The following WNT4 variants were observed in gnomAD, a reference collection of about 807,000 sequenced individuals.
The protein encoded by WNT4 is protein Wnt-4.
A neutral mutation model predicts 34.5 loss-of-function variants in WNT4; 16 were observed. The ratio of observed to expected loss-of-function variants is 0.46; its 90% CI spans 0.31 to 0.70. The LOEUF (loss-of-function observed/expected upper bound fraction) is 0.70, where lower values mean the gene tolerates loss of function less well. WNT4 is among the 30% of genes least tolerant of loss of function. The probability of loss-of-function intolerance (pLI) is 0.04; values close to 1 mark genes in which losing one functional copy is unlikely to be tolerated. For synonymous variants in WNT4, 200 were observed against 211.9 expected, an observed-to-expected ratio of 0.94 and a Z score of 0.49; for missense variants, 379 against 495.9, an observed-to-expected ratio of 0.76 and a Z score of 2.24.
chr1:22,135,079 A>G (rs1268727262), intron 1 of WNT4, among the ~76,000 whole-genome samples: 1 of 151,888 alleles, frequency 6.6e-6, no homozygotes, highest in African/African-American at 2.4e-5. Flanking sequence ...AGTGTGAGAG[A>G]TGGGTGGAGG....
rs1645873903 is a variant in WNT4, at chr1:22,119,207, TGTGTGTGTGTGTGTGTGTGTG to T, written c.*822_*842del. 3 of 128,246 alleles carry T rather than the reference TGTGTGTGTGTGTGTGTGTGTG, an allele frequency of 2.3e-5. No individual in the cohort carries two copies. Among genetic ancestry groups the T allele is most frequent in the Non-Finnish European group, 3.2e-5 (2 of 61,840 alleles). 7.9% of individuals were successfully genotyped at this position (128,246 alleles called of 1,614,324 possible). ...GTGTCCGTGTGTGTGTGTGTGTGTG[TGTGTGTGTGTGTGTGTGTGTG>T]TTTCAGTTTCATGGAGGAACAGCGC... On this transcript the variant is annotated 3_prime_UTR_variant, in exon 5 of 5. Coordinates refer to ENST00000290167, the MANE Select transcript of WNT4 (RefSeq NM_030761.5).
At chr1:22,138,702 T>C (rs1198605305) in intron 1 of WNT4, among the ~76,000 whole-genome samples, 1 of 152,154 alleles carries the variant, frequency 6.6e-6, no homozygotes, top group Non-Finnish European at 1.5e-5. Context: ...GAGAGGGATC[T>C]TTTAAAGCTG....
chr1:22,125,672 C>T (rs1050463829), intron 2 of WNT4, among the ~76,000 whole-genome samples: 19 of 152,184 alleles, frequency 1.2e-4, no homozygotes, highest in Admixed American at 3.9e-4. Context: ...AGTCCTTCAT[C>T]TCAGGACAGG....
chr1:22,142,859 C>T lies in WNT4; in HGVS notation c.64G>A (p.Ala22Thr). Residue 22 changes from alanine to threonine, a missense_variant, in exon 1 of 5, where the codon GCG becomes ACG. By Grantham distance (58) the Ala-to-Thr change is moderately conservative (BLOSUM62 0). Around this residue, in one of 2 missense-constraint regions of WNT4, gnomAD observed 66 missense variants for 50.1 expected, o/e 1.32. Transcript: ENST00000290167. The surrounding 1 kb of genome is among the most constrained non-coding windows in gnomAD (Gnocchi z 6.0). ...LLVFAVFSAA[A>T]SNWLYLAKLS... Reference sequence around the variant, plus strand: ...GGCCAGACTTACAGCCAGTTGCTCGCGGCGGCTGAGAAGACGGCGAAGACG... The same window carrying T: ...GGCCAGACTTACAGCCAGTTGCTCGTGGCGGCTGAGAAGACGGCGAAGACG... 1 of 1,212,252 alleles carries T rather than the reference C, an allele frequency of 8.2e-7. No individual in the cohort carries two copies. Among genetic ancestry groups the T allele is most frequent in the Non-Finnish European group, 1.1e-6 (1 of 947,314 alleles). 75.1% of individuals were successfully genotyped at this position (1,212,252 alleles called of 1,614,324 possible). A position where few individuals can be genotyped will look rare whatever the true frequency, so the allele number is the denominator to read the frequency against.
In WNT4 at chr1:22,137,427, C is replaced by T. The variant is rs889012463; in HGVS notation, c.77+5419G>A. On this transcript the variant is annotated intron_variant, in intron 1 of 4. Transcript: ENST00000290167. This position sits in a 1 kb window ranked among gnomAD's most constrained non-coding sequence, Gnocchi z 5.3. The stretch of plus-strand genomic sequence containing the variant: ...TGCAGTGAAGGGGTGACTGGAGGGC[C>T]CACGGCAGGCAGCTGTCACCCCACC... 2.6e-5 allele frequency among the ~76,000 whole-genome samples: 4 copies of T among 152,148 alleles called. No homozygotes were observed. Among genetic ancestry groups the T allele is most frequent in the Admixed American group, 2.6e-4 (4 of 15,282 alleles).
chr1:22,127,712 A>G (rs961140918), intron 2 of WNT4, among the ~76,000 whole-genome samples: 2 of 152,216 alleles, frequency 1.3e-5, no homozygotes, highest in East Asian at 1.9e-4. Flanking sequence ...TGAAAAGGAT[A>G]TAGGAATTAC....
Position 22,121,598 on chromosome 1 carries a change from C to T in WNT4, c.314-22G>A, listed in dbSNP as rs1450841791. On this transcript the variant is annotated intron_variant, in intron 2 of 4. Coordinates refer to ENST00000290167, the MANE Select transcript of WNT4 (RefSeq NM_030761.5). Reference sequence around the variant, plus strand: ...GTCCCTGTGGGAGGCAGAGGGAGGGCAGAGCTGGGTCCCAGGGCTCCTCCC... The same window carrying T: ...GTCCCTGTGGGAGGCAGAGGGAGGGTAGAGCTGGGTCCCAGGGCTCCTCCC... 5 of 1,610,296 alleles carry T rather than the reference C, an allele frequency of 3.1e-6. No individual in the cohort carries two copies. In the African/African-American group the frequency reaches 5.3e-5, roughly 17 times the overall value.
chr1:22,122,711 C>T (rs758050757), intron 2 of WNT4, among the ~76,000 whole-genome samples: 11 of 152,226 alleles, frequency 7.2e-5, no homozygotes, highest in African/African-American at 9.6e-5. Flanking sequence ...TGGCAATTAC[C>T]TCTGTGACAT....
intron 4 of WNT4, 43 bp from the exon 5 acceptor site, chr1:22,120,560 A>G (rs747362717): frequency 3.8e-6 from 6 of 1,562,938 alleles, no homozygotes; most frequent in African/African-American, 2.7e-5. Flanking sequence ...GGAGATGGCA[A>G]GGGAAGGCAG....
rs905280108 is a variant in WNT4, at chr1:22,139,236, C to T, written c.77+3610G>A. ...GGGACGCAGCCCTGCAGCTCCCTGA[C>T]AGCAGCCCTTGCTTCCGGCAGCTGC... On this transcript the variant is annotated intron_variant, in intron 1 of 4. Coordinates refer to ENST00000290167, the MANE Select transcript of WNT4 (RefSeq NM_030761.5). The surrounding 1 kb of genome is among the most constrained non-coding windows in gnomAD (Gnocchi z 4.6). Among the ~76,000 whole-genome samples the T allele has an allele frequency of 4.6e-5, 7 of 152,230 alleles. 1 individual carries two copies. Among genetic ancestry groups the T allele is most frequent in the Admixed American group, 6.5e-5 (1 of 15,286 alleles).
intron 2 of WNT4, among the ~76,000 whole-genome samples, chr1:22,128,966 C>T (rs1454050271): frequency 2.0e-5 from 3 of 152,146 alleles, no homozygotes; most frequent in East Asian, 1.9e-4. Flanking sequence ...ATGATCCGCC[C>T]GCCTGGGCCT....
chr1:22,133,466 C>T (rs1645998599), intron 1 of WNT4, among the ~76,000 whole-genome samples: 1 of 152,204 alleles, frequency 6.6e-6, no homozygotes, highest in Non-Finnish European at 1.5e-5. Flanking sequence ...CATCCGCTGA[C>T]CCTGGAGCTG....
rs1385588261 is a variant in WNT4, at chr1:22,121,535, C to A, written c.355G>T (p.Gly119Cys). ...GCCCGCGTCACTGCAAAGGCCACACCTGCCGAAGAGATGGCGTACACGAAG... is the reference window on the plus strand; with the variant it reads ...GCCCGCGTCACTGCAAAGGCCACACATGCCGAAGAGATGGCGTACACGAAG... ...AAFVYAISSA[G>C]VAFAVTRACS... The change falls in exon 3 of 5, where the codon GGT becomes TGT. Residue 119 changes from glycine to cysteine, a missense_variant. Physicochemically the swap from Gly to Cys is radical, Grantham distance 159. Coordinates refer to ENST00000290167, the MANE Select transcript of WNT4 (RefSeq NM_030761.5). 6.2e-7 allele frequency: 1 copy of A among 1,613,856 alleles called. No individual in the cohort carries two copies. The highest frequency in any genetic ancestry group is 1.3e-5 in the African/African-American group (1 of 74,922).
intron 1 of WNT4, among the ~76,000 whole-genome samples, chr1:22,130,402 A>G (rs877629): frequency 0.17 from 26,321 of 152,166 alleles, 2,384 homozygotes; most frequent in Middle Eastern, 0.21. Flanking sequence ...AGGTGGGACA[A>G]TGAGGGCAGT....
chr1:22,123,227 G>A (rs975478542), intron 2 of WNT4, among the ~76,000 whole-genome samples: 3 of 152,036 alleles, frequency 2.0e-5, no homozygotes, highest in African/African-American at 7.2e-5. Flanking sequence ...GCCTGGCCTC[G>A]CGTGGTCCTT....
At chr1:22,123,435 A>G (rs1191674617) in intron 2 of WNT4, among the ~76,000 whole-genome samples, 9 of 152,150 alleles carry the variant, frequency 5.9e-5, no homozygotes, top group Admixed American at 5.9e-4. Context: ...GAACAAGAAC[A>G]CTGGAGTTTT....
Position 22,139,991 on chromosome 1 carries a change from T to C in WNT4, c.77+2855A>G, listed in dbSNP as rs1646053331. Reference sequence around the variant, plus strand: ...GCTGCCCTCCCAGCTCCAGGCTCCATCCTGCCCAACAGCTGCACGCGGCGG... The same window carrying C: ...GCTGCCCTCCCAGCTCCAGGCTCCACCCTGCCCAACAGCTGCACGCGGCGG... On this transcript the variant is annotated intron_variant, in intron 1 of 4. Transcript: ENST00000290167. The surrounding 1 kb of genome is among the most constrained non-coding windows in gnomAD (Gnocchi z 4.6). 6.6e-6 allele frequency among the ~76,000 whole-genome samples: 1 copy of C among 152,190 alleles called. No homozygotes were observed. The highest frequency in any genetic ancestry group is 2.4e-5 in the African/African-American group (1 of 41,454).
chr1:22,123,210 C>T (rs954880076), intron 2 of WNT4, among the ~76,000 whole-genome samples: 1 of 151,984 alleles, frequency 6.6e-6, no homozygotes, highest in Non-Finnish European at 1.5e-5. Flanking sequence ...ACTGGCGGGT[C>T]GCCTCAGCCT....
chr1:22,142,775 C>T lies in WNT4; in HGVS notation c.77+71G>A. The T allele has an allele frequency of 1.0e-6, 1 of 967,058 alleles. No homozygotes were observed. 59.9% of individuals were successfully genotyped at this position (967,058 alleles called of 1,614,324 possible). On this transcript the variant is annotated intron_variant, in intron 1 of 4. Coordinates refer to ENST00000290167, the MANE Select transcript of WNT4 (RefSeq NM_030761.5). This position sits in a 1 kb window ranked among gnomAD's most constrained non-coding sequence, Gnocchi z 6.0. Reference sequence around the variant, plus strand: ...GCCCCGCGCCCGCTGCCCCGCGCCGCCTGGCACCGGCCGCTGCCCCCGGGG... The same window carrying T: ...GCCCCGCGCCCGCTGCCCCGCGCCGTCTGGCACCGGCCGCTGCCCCCGGGG...
Sources: allele counts gnomAD v4.1 joint callset (sites outside exome capture counted in the v4.1 genomes callset), GRCh38; gene constraint gnomAD v4.1.1; regional missense constraint gnomAD v4.1.1; non-coding constraint Gnocchi (gnomAD v3.1); transcripts MANE v1.5; gene names NCBI Gene and HGNC (gene_info 2026-07-23, HGNC 2026-07-21).